The following DKK2 variants were observed in gnomAD, a reference collection of about 807,000 sequenced individuals.
DKK2 encodes dickkopf Wnt signaling pathway inhibitor 2, also known as dickkopf-related protein 2.
A neutral mutation model predicts 28.1 loss-of-function variants in DKK2; 11 were observed. That is an observed-to-expected ratio of 0.39 (90% CI 0.25 to 0.65). DKK2 has a LOEUF of 0.65. DKK2 is among the 30% of genes least tolerant of loss of function. The pLI, the probability that DKK2 is intolerant of heterozygous loss-of-function variation, is 0.47. For synonymous variants in DKK2, 135 were observed against 126.5 expected, an observed-to-expected ratio of 1.07 and a Z score of -0.45; for missense variants, 326 against 335.5, an observed-to-expected ratio of 0.97 and a Z score of 0.22.
chr4:107,023,882 T>A (rs1237813541), intron 1 of DKK2, among the ~76,000 whole-genome samples: 1 of 152,164 alleles, frequency 6.6e-6, no homozygotes, highest in Non-Finnish European at 1.5e-5. Context: ...TATTATTATA[T>A]GTATATGTAT....
chr4:106,965,688 G>C (rs1364381656), intron 1 of DKK2, among the ~76,000 whole-genome samples: 1 of 149,222 alleles, frequency 6.7e-6, no homozygotes, highest in Non-Finnish European at 1.5e-5. Context: ...CTGGTGCGCT[G>C]CACCCACTAA....
intron 1 of DKK2, among the ~76,000 whole-genome samples, chr4:107,027,459 T>TG (rs1279223154): frequency 8.3e-6 from 1 of 120,014 alleles, no homozygotes; most frequent in Non-Finnish European, 1.8e-5. Context: ...AATCTCAAAA[T>TG]GAAAAAAAAA....
chr4:107,022,317 G>A (rs1395229759), intron 1 of DKK2, among the ~76,000 whole-genome samples: 1 of 152,080 alleles, frequency 6.6e-6, no homozygotes, highest in Non-Finnish European at 1.5e-5. Flanking sequence ...ATACACTTAA[G>A]AAGTAAGCAA....
chr4:106,956,646 T>C (rs1722596789), intron 1 of DKK2, among the ~76,000 whole-genome samples: 1 of 152,108 alleles, frequency 6.6e-6, no homozygotes, highest in African/African-American at 2.4e-5. Flanking sequence ...AAACAAGCAA[T>C]GGGGAAAGGA....
chr4:106,953,170 T>G (rs1336674122), intron 1 of DKK2, among the ~76,000 whole-genome samples: 2 of 152,176 alleles, frequency 1.3e-5, no homozygotes, highest in African/African-American at 4.8e-5. Flanking sequence ...CTTGTTCAAA[T>G]TTTTCTGTAG....
intron 1 of DKK2, among the ~76,000 whole-genome samples, chr4:107,013,184 A>T (rs765470827): frequency 7.3e-5 from 11 of 151,324 alleles, no homozygotes; most frequent in Non-Finnish European, 1.3e-4. Flanking sequence ...AAAGGAAACG[A>T]TCCTAAAACT....
rs547230195 is a variant in DKK2, at chr4:107,008,477, G to A, written c.222+26893C>T. On this transcript the variant is annotated intron_variant, in intron 1 of 3. Transcript: ENST00000285311. The stretch of plus-strand genomic sequence containing the variant: ...TTGGAGAAAGTGATATAGGATTTTA[G>A]ACTATAAGATGAGTAAGAGATATCC... Among the ~76,000 whole-genome samples the A allele has an allele frequency of 3.9e-5, 6 of 152,118 alleles. No individual in the cohort carries two copies. The South Asian group carries it at 1.2e-3, about 32-fold the overall frequency.
At chr4:107,019,314 C>T (rs1055260760) in intron 1 of DKK2, among the ~76,000 whole-genome samples, 2 of 151,988 alleles carry the variant, frequency 1.3e-5, no homozygotes, top group Non-Finnish European at 2.9e-5. Flanking sequence ...GAGTTTGAAA[C>T]TGAGTCACAT....
At chr4:107,027,838 G>C (rs1723812120) in intron 1 of DKK2, among the ~76,000 whole-genome samples, 2 of 148,276 alleles carry the variant, frequency 1.3e-5, no homozygotes, top group South Asian at 4.3e-4. Context: ...TGCAAGCTTC[G>C]CCTCCCGGGT....
At chr4:106,989,619 C>A (rs1179287868) in intron 1 of DKK2, among the ~76,000 whole-genome samples, 1 of 152,170 alleles carries the variant, frequency 6.6e-6, no homozygotes, top group Admixed American at 6.5e-5. Flanking sequence ...CCAAGTATCA[C>A]CTAATTAATA....
chr4:107,034,143 T>C (rs771853018), intron 1 of DKK2, among the ~76,000 whole-genome samples: 3 of 152,064 alleles, frequency 2.0e-5, no homozygotes, highest in Non-Finnish European at 4.4e-5. Flanking sequence ...GCCCGGGTCT[T>C]GTCTCTCTGT....
chr4:106,925,758 G>C, intron 2 of DKK2, 41 bp downstream of exon 2: 1 of 1,571,208 alleles, frequency 6.4e-7, no homozygotes, highest in Non-Finnish European at 8.6e-7. Flanking sequence ...TTATGATGAT[G>C]AAAAGAAAGA....
intron 1 of DKK2, among the ~76,000 whole-genome samples, chr4:106,962,491 ATGTGTGTGTGTGTGTGTGTGTGTG>A (rs59831895): frequency 0.02 from 2,322 of 117,702 alleles, 35 homozygotes; most frequent in Non-Finnish European, 0.031. Context: ...CAGAAAAACT[ATGTGTGTGTGTGTGTGTGTGTGTG>A]TGTGTGTGTG....
chr4:107,009,838 G>T (rs1165132139), intron 1 of DKK2, among the ~76,000 whole-genome samples: 2 of 151,758 alleles, frequency 1.3e-5, no homozygotes, highest in African/African-American at 4.8e-5. Flanking sequence ...AGGCTCTTTG[G>T]CTAACAGAGA....
intron 1 of DKK2, among the ~76,000 whole-genome samples, chr4:106,990,277 G>A (rs1338623488): frequency 6.6e-6 from 1 of 152,132 alleles, no homozygotes; most frequent in East Asian, 1.9e-4. Flanking sequence ...TGTAGCCAGT[G>A]GCTTCAAATT....
intron 1 of DKK2, among the ~76,000 whole-genome samples, chr4:106,964,299 A>C (rs897534589): frequency 1.3e-5 from 2 of 152,156 alleles, no homozygotes; most frequent in Admixed American, 1.3e-4. Context: ...TGGGAGATTA[A>C]AAAATATTGA....
intron 1 of DKK2, among the ~76,000 whole-genome samples, chr4:106,994,550 A>G (rs1330896217): frequency 1.3e-5 from 2 of 152,024 alleles, no homozygotes; most frequent in East Asian, 3.8e-4. Context: ...AGTTTATAAT[A>G]ATTTTTAAAT....
chr4:106,926,460 C>T (rs1454223781), intron 1 of DKK2, among the ~76,000 whole-genome samples: 3 of 152,108 alleles, frequency 2.0e-5, no homozygotes, highest in Admixed American at 2.0e-4. Context: ...CAGTTCCTGC[C>T]TATAAAAGCA....
intron 1 of DKK2, among the ~76,000 whole-genome samples, chr4:107,016,210 C>T (rs1330921147): frequency 2.0e-5 from 3 of 151,974 alleles, no homozygotes; most frequent in Admixed American, 2.0e-4. Context: ...GTTTGCTTAG[C>T]ATGCACTGTT....
Sources: gnomAD v4.1 joint callset for allele counts (sites outside exome capture counted in the v4.1 genomes callset) on GRCh38, gnomAD v4.1.1 for gene constraint, MANE v1.5 for transcripts, NCBI Gene and HGNC (gene_info 2026-07-23, HGNC 2026-07-21) for gene names.